Variants in KIF25 observed in about 807,000 individuals in gnomAD.
KIF25 encodes kinesin family member 25.
KIF25 carries 19 observed loss-of-function variants against 32.9 expected under a neutral mutation model. The observed-to-expected ratio is 0.58, with a 90% CI of 0.40 to 0.85. The LOEUF (loss-of-function observed/expected upper bound fraction) is 0.85. Among genes scored for constraint, KIF25 ranks in the 40% least tolerant of loss-of-function variants. The pLI is 0.00. For synonymous variants in KIF25, 225 were observed against 213.7 expected (o/e 1.05, Z -0.46); for missense variants, 485 against 507.0 (o/e 0.96, Z 0.42).
At chr6:168,029,811 G>A (rs1188152489) in intron 6 of KIF25, 134 bp downstream of exon 6, 11 of 1,156,758 alleles carry the variant, frequency 9.5e-6, no homozygotes, top group Non-Finnish European at 1.3e-5. Context: ...AAAGATCTCA[G>A]CCCTGAGCAT....
intron 12 of KIF25, 113 bp downstream of exon 12, chr6:168,042,829 C>T: frequency 2.4e-6 from 3 of 1,268,562 alleles, no homozygotes; most frequent in Middle Eastern, 2.2e-4. Context: ...CCTGCACCTC[C>T]TGTGTCCTCG....
intron 7 of KIF25, among the ~76,000 whole-genome samples, chr6:168,032,195 G>A (rs2114901451): frequency 6.6e-6 from 1 of 152,352 alleles, no homozygotes; most frequent in South Asian, 2.1e-4. Context: ...GTCATGGCCT[G>A]AACCAGACTC....
chr6:168,002,724 T>C (rs949373667), intron 3 of KIF25, 65 bp downstream of exon 3: 1 of 152,234 alleles, frequency 6.6e-6, no homozygotes, highest in Non-Finnish European at 1.5e-5. Context: ...ATTTCATTTA[T>C]TGTGCACTTT....
intron 4 of KIF25, among the ~76,000 whole-genome samples, chr6:168,007,845 C>A (rs191548782): frequency 9.1e-4 from 139 of 152,256 alleles, no homozygotes; most frequent in Non-Finnish European, 1.6e-3. Context: ...CTCATAGGTA[C>A]CTTTTATTTC....
intron 5 of KIF25, among the ~76,000 whole-genome samples, chr6:168,022,539 C>T (rs780767380): frequency 2.0e-4 from 31 of 152,168 alleles, no homozygotes; most frequent in Non-Finnish European, 1.5e-4. Context: ...GATTGTCCCA[C>T]CTCAGCCTCC....
At chr6:168,022,350 T>A (rs1438372309) in intron 5 of KIF25, among the ~76,000 whole-genome samples, 1 of 152,250 alleles carries the variant, frequency 6.6e-6, no homozygotes, top group Non-Finnish European at 1.5e-5. Flanking sequence ...GGCTCATTTT[T>A]AAATCTTCTT....
intron 5 of KIF25, among the ~76,000 whole-genome samples, chr6:168,022,831 T>A (rs980490969): frequency 6.6e-6 from 1 of 151,720 alleles, no homozygotes; most frequent in Non-Finnish European, 1.5e-5. Flanking sequence ...CAACTATGAT[T>A]TTTCCTGCAA....
chr6:167,998,438 C>T lies in KIF25; in HGVS notation c.-1031C>T, dbSNP rs944714961. The T allele has an allele frequency of 6.6e-6, 1 of 152,184 alleles. No homozygotes were observed. Among genetic ancestry groups the T allele is most frequent in the African/African-American group, 2.4e-5 (1 of 41,438 alleles). 9.4% of individuals were successfully genotyped at this position (152,184 alleles called of 1,614,324 possible). The stretch of plus-strand genomic sequence containing the variant: ...TTTTCAAAATGTAGAAGGAGCTGCT[C>T]AGCATGACAGGGTGGATAAACTTGC... On this transcript the variant is annotated 5_prime_UTR_variant, in exon 1 of 13. Transcript: ENST00000643607.
intron 7 of KIF25, among the ~76,000 whole-genome samples, chr6:168,032,756 C>T (rs369608818): frequency 2.7e-4 from 41 of 152,254 alleles, no homozygotes; most frequent in South Asian, 8.3e-4. Context: ...ATTGATACAC[C>T]GGAGTCACAG....
At chr6:168,002,424 C>G (rs913103682) in intron 2 of KIF25, 119 bp from the exon 3 acceptor site, 1 of 152,354 alleles carries the variant, frequency 6.6e-6, no homozygotes, top group South Asian at 2.1e-4. Context: ...CTGGATGGTG[C>G]GGCTCTGGGC....
At chr6:168,042,424 ACACT>A in intron 11 of KIF25, 133 bp from the exon 12 acceptor site, 1 of 1,132,892 alleles carries the variant, frequency 8.8e-7, no homozygotes, top group East Asian at 2.4e-5. Context: ...GCCATGAAAG[ACACT>A]CACTCTCATG....
At position 168,034,040 on chromosome 6, in the gene KIF25, G is replaced by T. The variant is rs760636683; in HGVS notation, c.317+9G>T. 3 of 1,613,820 alleles carry T rather than the reference G, an allele frequency of 1.9e-6. No individual in the cohort carries two copies. In the South Asian group the frequency reaches 3.3e-5, roughly 18 times the overall value. ...GCTGAGGAGCTCTTCAGGTACTGCC[G>T]ATGGTGATGAGTGGGGCAGAGAAAT... On this transcript the variant is annotated intron_variant, in intron 8 of 12. Coordinates refer to ENST00000643607, the MANE Select transcript of KIF25 (RefSeq NM_030615.4).
chr6:168,037,201 A>C (rs2114908660), intron 8 of KIF25, among the ~76,000 whole-genome samples: 1 of 152,370 alleles, frequency 6.6e-6, no homozygotes, highest in South Asian at 2.1e-4. Context: ...ATGCTTTGCC[A>C]ATAATGATTT....
intron 9 of KIF25, among the ~76,000 whole-genome samples, chr6:168,039,312 AG>A (rs1799081907): frequency 1.3e-5 from 2 of 152,244 alleles, no homozygotes; most frequent in South Asian, 4.1e-4. Context: ...TGTAAATATC[AG>A]TATTTCACAG....
At chr6:168,014,678 C>T (rs9346643) in intron 4 of KIF25, among the ~76,000 whole-genome samples, 52,257 of 152,072 alleles carry the variant, frequency 0.34, 9,214 homozygotes, top group South Asian at 0.42. Flanking sequence ...TGCAATCTAA[C>T]TCAGCATTTC....
At chr6:168,008,293 G>A (rs776436421) in intron 4 of KIF25, among the ~76,000 whole-genome samples, 2 of 152,044 alleles carry the variant, frequency 1.3e-5, no homozygotes, top group Non-Finnish European at 2.9e-5. Flanking sequence ...TCTGTATATG[G>A]ATTTCCAGTT....
intron 4 of KIF25, among the ~76,000 whole-genome samples, chr6:168,014,484 T>C (rs1001055255): frequency 6.6e-5 from 10 of 152,234 alleles, no homozygotes; most frequent in African/African-American, 2.2e-4. Flanking sequence ...GAATCCAAGA[T>C]GTTGCTTTTT....
intron 2 of KIF25, among the ~76,000 whole-genome samples, chr6:168,001,344 A>G (rs533285834): frequency 8.4e-4 from 128 of 152,326 alleles, no homozygotes; most frequent in African/African-American, 3.0e-3. Flanking sequence ...TTTTTGGATG[A>G]GGGATGCTCA....
At chr6:168,027,585 G>A (rs763362702) in intron 5 of KIF25, among the ~76,000 whole-genome samples, 2 of 152,162 alleles carry the variant, frequency 1.3e-5, no homozygotes, top group African/African-American at 4.8e-5. Context: ...GGAGCCTTGG[G>A]TGTGGCTGGA....
Sources: gnomAD v4.1 joint callset for allele counts (sites outside exome capture counted in the v4.1 genomes callset) on GRCh38, gnomAD v4.1.1 for gene constraint, MANE v1.5 for transcripts, NCBI Gene and HGNC (gene_info 2026-07-23, HGNC 2026-07-21) for gene names.